Variants in CCDC3 observed in about 807,000 individuals in gnomAD.
CCDC3 encodes coiled-coil domain containing 3.
In CCDC3, 24 loss-of-function variants were observed where a neutral mutation model predicts 21.4. The ratio of observed to expected loss-of-function variants is 1.12; its 90% CI spans 0.81 to 1.58. The LOEUF (loss-of-function observed/expected upper bound fraction) is 1.58, where lower values mean the gene tolerates loss of function less well. Among genes scored for constraint, CCDC3 ranks in the 40% most tolerant of loss-of-function variants. The pLI, the probability that CCDC3 is intolerant of heterozygous loss-of-function variation, is 0.00. For missense variants in CCDC3, 425 were observed against 360.9 expected, an observed-to-expected ratio of 1.18 and a Z score of -1.44; for synonymous variants, 186 against 166.0, an observed-to-expected ratio of 1.12 and a Z score of -0.93.
intron 2 of CCDC3, among the ~76,000 whole-genome samples, chr10:12,989,212 G>T (rs1349316043): frequency 1.3e-5 from 2 of 152,068 alleles, no homozygotes; most frequent in African/African-American, 4.8e-5. Context: ...TTCACTCAAG[G>T]TCTCCTGAAA....
At chr10:12,974,696 C>T (rs756824875) in intron 2 of CCDC3, among the ~76,000 whole-genome samples, 22 of 152,268 alleles carry the variant, frequency 1.4e-4, no homozygotes, top group Admixed American at 5.2e-4. Context: ...CTGTATCCTC[C>T]CCGGCCAACA....
intron 4 of CCDC3, among the ~76,000 whole-genome samples, chr10:13,061,048 C>T (rs1659838): frequency 0.58 from 88,324 of 152,084 alleles, 26,456 homozygotes; most frequent in African/African-American, 0.73. Flanking sequence ...GCTGTCCAAC[C>T]ACACTTGGAT....
intron 3 of CCDC3, among the ~76,000 whole-genome samples, chr10:13,076,536 C>T (rs567197342): frequency 6.6e-6 from 1 of 152,312 alleles, no homozygotes; most frequent in East Asian, 1.9e-4. Context: ...AGTAATAGTT[C>T]CTTTTAAAGA....
At position 12,961,688 on chromosome 10, in the gene CCDC3, G is replaced by C. The variant is rs562568306; in HGVS notation, c.549+36650C>G. Among the ~76,000 whole-genome samples the C allele has an allele frequency of 1.3e-4, 20 of 152,282 alleles. No homozygotes were observed. In the East Asian group the frequency reaches 3.3e-3, roughly 25 times the overall value. On this transcript the variant is annotated intron_variant, in intron 2 of 2. Coordinates refer to ENST00000378825, the MANE Select transcript of CCDC3 (RefSeq NM_031455.4). The stretch of plus-strand genomic sequence containing the variant: ...ACTTTCAAAGGAAGGCTTTGCATGA[G>C]GAAGTTAATGGAGCTTAAGTGCATT...
intron 2 of CCDC3, among the ~76,000 whole-genome samples, chr10:12,936,248 C>G (rs1166612739): frequency 1.3e-5 from 2 of 152,150 alleles, no homozygotes; most frequent in Non-Finnish European, 2.9e-5. Flanking sequence ...GTTTTTTTCT[C>G]TCAGCACTTT....
At chr10:12,973,066 T>A (rs1428268116) in intron 2 of CCDC3, among the ~76,000 whole-genome samples, 1 of 152,128 alleles carries the variant, frequency 6.6e-6, no homozygotes, top group African/African-American at 2.4e-5. Flanking sequence ...ATAAGGACAA[T>A]GTGGCAGCTA....
At chr10:12,996,432 T>A (rs962889072) in intron 2 of CCDC3, among the ~76,000 whole-genome samples, 3 of 151,722 alleles carry the variant, frequency 2.0e-5, no homozygotes, top group Non-Finnish European at 4.4e-5. Context: ...GCCTCCTGAG[T>A]TCAAGCGATT....
intron 2 of CCDC3, among the ~76,000 whole-genome samples, chr10:12,942,110 A>C (rs1043374365): frequency 1.3e-5 from 2 of 152,148 alleles, no homozygotes; most frequent in Non-Finnish European, 2.9e-5. Flanking sequence ...CTAGAACCTT[A>C]CAGCTAGCCC....
At chr10:13,032,095 A>G (rs7079430) in intron 5 of CCDC3, among the ~76,000 whole-genome samples, 63,810 of 151,972 alleles carry the variant, frequency 0.42, 14,336 homozygotes, top group Non-Finnish European at 0.51. Context: ...ATCCTCAATA[A>G]AATACTGGCA....
At position 13,001,219 on chromosome 10, in the gene CCDC3, A is replaced by G. The variant is rs377521910; in HGVS notation, c.352T>C (p.Tyr118His). 1.3e-6 allele frequency: 2 copies of G among 1,563,980 alleles called. No individual in the cohort carries two copies. The highest frequency in any genetic ancestry group is 1.7e-6 in the Non-Finnish European group (2 of 1,154,738). The stretch of plus-strand genomic sequence containing the variant: ...CACCTGAGGAAGAAGAAATAGGAGT[A>G]GTCCTGGACCACGGTGTGGGAGTGG... ...SCHSHTVVQD[Y>H]SYFFFLRMDE... is the part of the protein sequence containing the mutation. Residue 118 changes from tyrosine to histidine, a missense_variant, in exon 1 of 3, where the codon TAC (tyrosine) becomes CAC (histidine). Coordinates refer to ENST00000378825, the MANE Select transcript of CCDC3 (RefSeq NM_031455.4).
At chr10:12,967,010 C>T (rs1835272234) in intron 2 of CCDC3, among the ~76,000 whole-genome samples, 1 of 152,182 alleles carries the variant, frequency 6.6e-6, no homozygotes, top group Admixed American at 6.5e-5. Context: ...TTGCTGGAGT[C>T]CCTTCATCTT....
At chr10:13,007,810 A>C (rs1835942093) in intron 5 of CCDC3, among the ~76,000 whole-genome samples, 1 of 152,166 alleles carries the variant, frequency 6.6e-6, no homozygotes, top group African/African-American at 2.4e-5. Context: ...TAAATGAGTG[A>C]GTTCTTCTTC....
chr10:12,904,906 A>G (rs1038021897), intron 2 of CCDC3, among the ~76,000 whole-genome samples: 1 of 152,200 alleles, frequency 6.6e-6, no homozygotes, highest in Non-Finnish European at 1.5e-5. Flanking sequence ...ATTCTGGAAT[A>G]TAGCAAGTTT....
chr10:12,980,479 G>A (rs911849558), intron 2 of CCDC3, among the ~76,000 whole-genome samples: 2 of 152,316 alleles, frequency 1.3e-5, no homozygotes, highest in South Asian at 4.1e-4. Context: ...AAAGGGGAGA[G>A]CTGAATCTGC....
At chr10:12,915,562 T>C (rs1834340189) in intron 2 of CCDC3, among the ~76,000 whole-genome samples, 2 of 152,180 alleles carry the variant, frequency 1.3e-5, no homozygotes, top group South Asian at 2.1e-4. Context: ...TTTGTGGCCA[T>C]AATTTGGTGT....
chr10:12,967,486 T>A (rs1161103254), intron 2 of CCDC3, among the ~76,000 whole-genome samples: 3 of 152,088 alleles, frequency 2.0e-5, no homozygotes, highest in African/African-American at 2.4e-5. Flanking sequence ...CAATTATTTT[T>A]AAAAAATCAA....
At chr10:12,970,634 T>C (rs1405921128) in intron 2 of CCDC3, among the ~76,000 whole-genome samples, 1 of 152,196 alleles carries the variant, frequency 6.6e-6, no homozygotes, top group Admixed American at 6.5e-5. Flanking sequence ...ATCCCAGCAC[T>C]TTGGGAGGCC....
At chr10:13,097,715 C>T (rs1207157999) in intron 3 of CCDC3, among the ~76,000 whole-genome samples, 2 of 152,198 alleles carry the variant, frequency 1.3e-5, no homozygotes, top group African/African-American at 4.8e-5. Flanking sequence ...CAGAGTGAGA[C>T]TCCACCTCAA....
intron 2 of CCDC3, 108 bp from the exon 3 acceptor site, chr10:12,898,787 G>T (rs912620071): frequency 1.5e-6 from 2 of 1,305,340 alleles, no homozygotes; most frequent in Non-Finnish European, 2.1e-6. Flanking sequence ...CACAGACCCC[G>T]ATTCCCCACC....
Sources: gnomAD v4.1 joint callset for allele counts (sites outside exome capture counted in the v4.1 genomes callset) on GRCh38, gnomAD v4.1.1 for gene constraint, MANE v1.5 for transcripts, NCBI Gene and HGNC (gene_info 2026-07-23, HGNC 2026-07-21) for gene names.